Variants in PDZRN4 observed in about 807,000 individuals in gnomAD.
PDZRN4 encodes the protein PDZ domain-containing RING finger protein 4.
PDZRN4 carries 70 observed loss-of-function variants against 99.0 expected under a neutral mutation model. The observed-to-expected ratio is 0.71, with a 90% confidence interval of 0.58 to 0.86. The LOEUF (loss-of-function observed/expected upper bound fraction) is 0.86, where lower values mean the gene tolerates loss of function less well. PDZRN4 is among the 40% of genes least tolerant of loss of function. PDZRN4 has a pLI of 0.00. For synonymous variants in PDZRN4, 551 were observed against 501.6 expected (o/e 1.10, Z -1.32); for missense variants, 1,474 against 1,331.2 (o/e 1.11, Z -1.67).
rs1396430115 is a variant in PDZRN4, at chr12:41,572,438, T to G, written c.1659T>G (p.Ser553Arg). Residue 553 changes from serine (S) to arginine (R), a missense_variant, in exon 10 of 10, where the codon AGT (serine) becomes AGG (arginine). Physicochemically the swap from Ser to Arg is moderately radical, Grantham distance 110 (BLOSUM62 -1). Transcript: ENST00000402685. ...CATCCAACAACCATGAGAAGGACAG[T>G]GGAGTAGGACGTACAGATGAAAGCT... ...TSSSNNHEKD[S>R]GVGRTDESLR... 6.2e-7 allele frequency: 1 copy of G among 1,614,004 alleles called. No homozygotes were observed. The highest frequency in any genetic ancestry group is 8.5e-7 in the Non-Finnish European group (1 of 1,179,978).
chr12:41,533,029 A>G (rs1938686919), intron 5 of PDZRN4, among the ~76,000 whole-genome samples: 1 of 152,122 alleles, frequency 6.6e-6, no homozygotes. Flanking sequence ...GTATTGCCTA[A>G]TTGATCTATC....
intron 3 of PDZRN4, among the ~76,000 whole-genome samples, chr12:41,307,690 C>T (rs1473760502): frequency 6.6e-6 from 1 of 151,472 alleles, no homozygotes; most frequent in Admixed American, 6.6e-5. Flanking sequence ...TTTCTTACCA[C>T]ATTTCTTCCA....
chr12:41,404,419 G>A (rs905820469), intron 3 of PDZRN4, among the ~76,000 whole-genome samples: 2 of 151,998 alleles, frequency 1.3e-5, no homozygotes, highest in African/African-American at 2.4e-5. Context: ...AGCCACAAAG[G>A]AAATGAAATG....
At chr12:41,376,862 A>T (rs527464887) in intron 3 of PDZRN4, among the ~76,000 whole-genome samples, 1 of 152,098 alleles carries the variant, frequency 6.6e-6, no homozygotes, top group Admixed American at 6.6e-5. Flanking sequence ...TGGTTTTATG[A>T]TTTATATTTA....
chr12:41,375,533 C>T (rs771382843), intron 3 of PDZRN4, among the ~76,000 whole-genome samples: 4 of 152,104 alleles, frequency 2.6e-5, no homozygotes, highest in Non-Finnish European at 4.4e-5. Context: ...TATTATCCCT[C>T]CTTTACAAAT....
At chr12:41,522,340 C>G (rs1010156806) in intron 5 of PDZRN4, among the ~76,000 whole-genome samples, 1 of 152,096 alleles carries the variant, frequency 6.6e-6, no homozygotes, top group Non-Finnish European at 1.5e-5. Context: ...TTTGCATGAC[C>G]AGCAGACTTT....
intron 3 of PDZRN4, among the ~76,000 whole-genome samples, chr12:41,370,331 C>G (rs564053067): frequency 1.1e-4 from 17 of 152,052 alleles, no homozygotes; most frequent in Non-Finnish European, 2.2e-4. Flanking sequence ...TGATCACTCT[C>G]CTATACAATA....
chr12:41,198,409 C>T, intron 3 of PDZRN4, among the ~76,000 whole-genome samples: 1 of 151,942 alleles, frequency 6.6e-6, no homozygotes, highest in Non-Finnish European at 1.5e-5. Context: ...TTCTGGAGAC[C>T]AGAGTGGGGC....
At chr12:41,319,014 G>A (rs1024095242) in intron 3 of PDZRN4, among the ~76,000 whole-genome samples, 4 of 152,104 alleles carry the variant, frequency 2.6e-5, no homozygotes, top group Non-Finnish European at 4.4e-5. Context: ...ACCCTAGCAC[G>A]TATGTTGCAT....
At chr12:41,412,491 T>G (rs972004588) in intron 3 of PDZRN4, 1 of 152,160 alleles carries the variant, frequency 6.6e-6, no homozygotes, top group Non-Finnish European at 1.5e-5. Flanking sequence ...GAGTTCTCTT[T>G]CTTTGGAAGG....
intron 7 of PDZRN4, among the ~76,000 whole-genome samples, chr12:41,559,466 A>G (rs527753863): frequency 2.0e-5 from 3 of 152,244 alleles, no homozygotes; most frequent in Admixed American, 2.0e-4. Flanking sequence ...AACAAGAGTA[A>G]AAGACCACAT....
chr12:41,413,013 C>G (rs1412719699), intron 3 of PDZRN4: 3 of 151,820 alleles, frequency 2.0e-5, no homozygotes, highest in African/African-American at 4.8e-5. Flanking sequence ...TTACTTAAAC[C>G]TGGGAGGTGG....
intron 3 of PDZRN4, among the ~76,000 whole-genome samples, chr12:41,240,326 A>T (rs376486757): frequency 1.3e-5 from 2 of 152,296 alleles, no homozygotes; most frequent in East Asian, 1.9e-4. Context: ...CCATATGTGC[A>T]TCTAAGGACC....
chr12:41,385,755 G>A (rs931441792), intron 3 of PDZRN4, among the ~76,000 whole-genome samples: 11 of 151,938 alleles, frequency 7.2e-5, no homozygotes, highest in Non-Finnish European at 1.3e-4. Context: ...AAGAAGAGTT[G>A]GTACCATCCC....
chr12:41,212,722 G>T (rs2120701888), intron 3 of PDZRN4, among the ~76,000 whole-genome samples: 1 of 152,088 alleles, frequency 6.6e-6, no homozygotes, highest in East Asian at 1.9e-4. Context: ...CTGTTGTTTG[G>T]GGAAATATTG....
At position 41,188,684 on chromosome 12, in the gene PDZRN4, C is replaced by T; in HGVS notation, c.229C>T (p.Leu77=). 2.6e-6 allele frequency: 4 copies of T among 1,558,854 alleles called. No homozygotes were observed. The highest frequency in any genetic ancestry group is 3.4e-6 in the Non-Finnish European group (4 of 1,161,298). The change falls in exon 1 of 10, where the codon CTG becomes TTG. Residue 77 remains leucine (L), a synonymous_variant. Transcript: ENST00000402685. ...VLPLRSLIQK[L]RVQCDYRARG... is the part of the protein sequence containing the mutation. ...GCCGCTGCGCAGCCTCATCCAGAAG[C>T]TGCGAGTCCAGTGCGACTACCGCGC...
intron 3 of PDZRN4, among the ~76,000 whole-genome samples, chr12:41,375,837 T>A (rs1156561467): frequency 4.6e-5 from 7 of 152,118 alleles, no homozygotes; most frequent in Admixed American, 6.6e-5. Context: ...TTAACTTTAG[T>A]CAGCATGCTG....
intron 3 of PDZRN4, among the ~76,000 whole-genome samples, chr12:41,417,979 A>G (rs1432154097): frequency 1.3e-5 from 2 of 152,218 alleles, no homozygotes; most frequent in African/African-American, 4.8e-5. Flanking sequence ...CCTTGCAACA[A>G]ATAATCGTCT....
chr12:41,234,691 C>T (rs1298030438), intron 3 of PDZRN4, among the ~76,000 whole-genome samples: 2 of 151,988 alleles, frequency 1.3e-5, no homozygotes, highest in African/African-American at 4.8e-5. Context: ...TAAAGGACAA[C>T]GTTTTCTTTT....
Sources: allele counts gnomAD v4.1 joint callset (sites outside exome capture counted in the v4.1 genomes callset), GRCh38; gene constraint gnomAD v4.1.1; transcripts MANE v1.5; gene names NCBI Gene and HGNC (gene_info 2026-07-23, HGNC 2026-07-21).